Variants in DIAPH3 observed in about 807,000 individuals in gnomAD.
DIAPH3 encodes the protein protein diaphanous homolog 3.
A neutral mutation model predicts 144.3 loss-of-function variants in DIAPH3; 117 were observed. The observed-to-expected ratio is 0.81, with a 90% CI of 0.70 to 0.95. DIAPH3 has a LOEUF of 0.95. Among genes scored for constraint, DIAPH3 ranks in the 40% least tolerant of loss-of-function variants. DIAPH3 has a pLI of 0.00. For missense variants in DIAPH3, 1,421 were observed against 1,412.7 expected, an observed-to-expected ratio of 1.01 and a Z score of -0.09; for synonymous variants, 519 against 488.9, an observed-to-expected ratio of 1.06 and a Z score of -0.81.
chr13:59,983,712 G>T, intron 13 of DIAPH3, 57 bp downstream of exon 13: 2 of 1,197,614 alleles, frequency 1.7e-6, no homozygotes, highest in Non-Finnish European at 2.5e-6. Context: ...ATGCCCTAGA[G>T]CTCATTCATA....
intron 21 of DIAPH3, among the ~76,000 whole-genome samples, chr13:59,865,221 T>C (rs117713656): frequency 0.034 from 5,233 of 152,108 alleles, 114 homozygotes; most frequent in Non-Finnish European, 0.049. Context: ...TCCTTATCCA[T>C]TTGCTCAATA....
intron 24 of DIAPH3, among the ~76,000 whole-genome samples, chr13:59,822,923 T>C (rs748780957): frequency 6.6e-5 from 10 of 152,156 alleles, no homozygotes; most frequent in Non-Finnish European, 5.9e-5. Flanking sequence ...TTTTGTGGTA[T>C]TCTAGGTTGT....
chr13:60,123,137 C>T lies in DIAPH3; in HGVS notation c.213+9820G>A, dbSNP rs1459089008. ...AAATTAATAAGGAGTAAAAATTACA[C>T]CAACTCCTGCCAGCCCAGATTCCAA... On this transcript the variant is annotated intron_variant, in intron 2 of 27. Transcript: ENST00000400324. Among the ~76,000 whole-genome samples the T allele has an allele frequency of 3.3e-5, 5 of 152,180 alleles. No individual in the cohort carries two copies. In the South Asian group the frequency reaches 8.3e-4, roughly 25 times the overall value.
intron 14 of DIAPH3, among the ~76,000 whole-genome samples, chr13:59,976,596 C>T (rs2050693485): frequency 6.6e-6 from 1 of 151,784 alleles, no homozygotes; most frequent in Non-Finnish European, 1.5e-5. Flanking sequence ...TTACAACACA[C>T]ACTTCTGGTT....
chr13:59,907,398 C>T (rs975604191), intron 20 of DIAPH3, among the ~76,000 whole-genome samples: 2 of 152,084 alleles, frequency 1.3e-5, no homozygotes, highest in Admixed American at 1.3e-4. Flanking sequence ...CACCATTTGG[C>T]CAGGATCCTT....
chr13:59,983,954 T>A (rs2051202115), intron 12 of DIAPH3, 67 bp from the exon 13 acceptor site: 1 of 1,040,682 alleles, frequency 9.6e-7, no homozygotes, highest in African/African-American at 1.6e-5. Context: ...AAACAAAACT[T>A]TTTGGCTAAG....
intron 7 of DIAPH3, among the ~76,000 whole-genome samples, chr13:60,011,835 A>G (rs1257798565): frequency 6.6e-6 from 1 of 152,186 alleles, no homozygotes; most frequent in East Asian, 1.9e-4. Flanking sequence ...TATAAATGAG[A>G]CGATTGGGAT....
chr13:59,911,192 A>G (rs1228676159), intron 20 of DIAPH3, among the ~76,000 whole-genome samples: 1 of 152,202 alleles, frequency 6.6e-6, no homozygotes, highest in Non-Finnish European at 1.5e-5. Flanking sequence ...CATTTAATAT[A>G]TGGCATTGGA....
intron 4 of DIAPH3, among the ~76,000 whole-genome samples, chr13:60,047,040 G>C (rs939379872): frequency 1.3e-5 from 2 of 152,002 alleles, no homozygotes; most frequent in Non-Finnish European, 2.9e-5. Flanking sequence ...TGGGTTGATA[G>C]GTGCAGCAAA....
intron 27 of DIAPH3, among the ~76,000 whole-genome samples, chr13:59,730,407 A>G (rs1318609173): frequency 6.6e-6 from 1 of 152,320 alleles, no homozygotes; most frequent in East Asian, 1.9e-4. Flanking sequence ...GCATTTGACT[A>G]CACAAGGGCA....
Position 60,135,198 on chromosome 13 carries a change from C to A in DIAPH3, c.181-2209G>T, listed in dbSNP as rs568081264. Among the ~76,000 whole-genome samples, 7 of 150,678 alleles carry A rather than the reference C, an allele frequency of 4.6e-5. No homozygotes were observed. The South Asian group carries it at 1.5e-3, about 32-fold the overall frequency. On this transcript the variant is annotated intron_variant, in intron 1 of 27. Coordinates refer to ENST00000400324, the MANE Select transcript of DIAPH3 (RefSeq NM_001042517.2). ...CAACGTTCAGGAAAAAGAACAGCCACTCTTATGTAAAAACAAGGCAACCCA... is the reference window on the plus strand; with the variant it reads ...CAACGTTCAGGAAAAAGAACAGCCAATCTTATGTAAAAACAAGGCAACCCA...
intron 27 of DIAPH3, among the ~76,000 whole-genome samples, chr13:59,731,469 G>A (rs1406610672): frequency 1.3e-5 from 2 of 152,062 alleles, no homozygotes; most frequent in Non-Finnish European, 1.5e-5. Context: ...GAATATTTGG[G>A]ACCCAGAGTC....
At chr13:59,749,230 A>AAAAAAAG (rs2036865128) in intron 27 of DIAPH3, among the ~76,000 whole-genome samples, 1 of 147,252 alleles carries the variant, frequency 6.8e-6, no homozygotes, top group Non-Finnish European at 1.5e-5. Context: ...AAAAAAAAAA[A>AAAAAAAG]AAAAGTACGG....
chr13:59,833,284 T>C lies in DIAPH3; in HGVS notation c.2863-13A>G. The C allele has an allele frequency of 6.3e-7, 1 of 1,596,810 alleles. No homozygotes were observed. The highest frequency in any genetic ancestry group is 8.6e-7 in the Non-Finnish European group (1 of 1,168,634). ...TGATAACAAATCTGTATACTATAGT[T>C]AAGGTATTCTGAAATTTACAAAGTA... On this transcript the variant is annotated splice_polypyrimidine_tract_variant and intron_variant, in intron 23 of 27. Coordinates refer to ENST00000400324, the MANE Select transcript of DIAPH3 (RefSeq NM_001042517.2).
chr13:59,758,763 C>T (rs1292359967), intron 27 of DIAPH3, among the ~76,000 whole-genome samples: 2 of 150,266 alleles, frequency 1.3e-5, no homozygotes, highest in Non-Finnish European at 3.0e-5. Flanking sequence ...TTCACAGAGG[C>T]AAGAATTTTC....
At chr13:59,725,584 A>G (rs1381881291) in intron 27 of DIAPH3, among the ~76,000 whole-genome samples, 1 of 152,198 alleles carries the variant, frequency 6.6e-6, no homozygotes, top group Non-Finnish European at 1.5e-5. Context: ...ACTTGCAGCA[A>G]GACTATTTGA....
intron 1 of DIAPH3, among the ~76,000 whole-genome samples, chr13:60,152,775 AC>A (rs1189644227): frequency 2.0e-5 from 3 of 152,070 alleles, no homozygotes; most frequent in African/African-American, 7.2e-5. Flanking sequence ...AACCAAAAAA[AC>A]TATTAGAAGC....
At chr13:59,842,263 C>G (rs1256546166) in intron 22 of DIAPH3, among the ~76,000 whole-genome samples, 1 of 151,912 alleles carries the variant, frequency 6.6e-6, no homozygotes, top group African/African-American at 2.4e-5. Flanking sequence ...TCACCTTGAA[C>G]AAAACCACAT....
intron 4 of DIAPH3, among the ~76,000 whole-genome samples, chr13:60,072,367 CTT>C (rs2057242187): frequency 1.3e-5 from 2 of 152,186 alleles, no homozygotes; most frequent in African/African-American, 4.8e-5. Flanking sequence ...ATCACTCCAT[CTT>C]TTCTCTCTTC....
Sources: gnomAD v4.1 joint callset for allele counts (sites outside exome capture counted in the v4.1 genomes callset) on GRCh38, gnomAD v4.1.1 for gene constraint, MANE v1.5 for transcripts, NCBI Gene and HGNC (gene_info 2026-07-23, HGNC 2026-07-21) for gene names.